CDK14: variants seen among roughly 807,000 people sequenced by gnomAD.
CDK14 encodes cyclin dependent kinase 14, also known as cyclin-dependent kinase 14.
In CDK14, 34 loss-of-function variants were observed where a neutral mutation model predicts 60.7. The ratio of observed to expected loss-of-function variants is 0.56; its 90% CI spans 0.43 to 0.75. The LOEUF is 0.75. CDK14 is among the 30% of genes least tolerant of loss of function. The pLI is 0.00. For synonymous variants in CDK14, 197 were observed against 203.7 expected (o/e 0.97, Z 0.28); for missense variants, 482 against 564.1 (o/e 0.85, Z 1.47).
At chr7:90,781,077 T>A in intron 4 of CDK14, among the ~76,000 whole-genome samples, 1 of 152,136 alleles carries the variant, frequency 6.6e-6, no homozygotes, top group Non-Finnish European at 1.5e-5. Flanking sequence ...GTTTCCTGAC[T>A]TTTTAATGAT....
intron 14 of CDK14, among the ~76,000 whole-genome samples, chr7:91,187,066 A>G (rs1802214003): frequency 6.6e-6 from 1 of 152,274 alleles, no homozygotes; most frequent in Admixed American, 6.5e-5. Flanking sequence ...AATTATGTGC[A>G]TATCATCACA....
At chr7:90,695,475 G>A (rs773648924) in intron 2 of CDK14, among the ~76,000 whole-genome samples, 2 of 152,096 alleles carry the variant, frequency 1.3e-5, no homozygotes, top group Admixed American at 6.6e-5. Flanking sequence ...TATTTACCAG[G>A]CACAGTTCTT....
intron 9 of CDK14, among the ~76,000 whole-genome samples, chr7:90,957,741 T>C (rs1286438606): frequency 1.3e-5 from 2 of 151,948 alleles, no homozygotes; most frequent in African/African-American, 4.8e-5. Flanking sequence ...TGCTCATGGG[T>C]AGGAAGAATC....
intron 6 of CDK14, among the ~76,000 whole-genome samples, chr7:90,883,122 T>TAA (rs34446911): frequency 3.8e-4 from 56 of 146,806 alleles, no homozygotes; most frequent in East Asian, 2.6e-3. Context: ...TAGAGACACA[T>TAA]AAAAAAAAAA....
intron 3 of CDK14, 49 bp downstream of exon 3, chr7:90,726,861 T>C (rs10240049): frequency 0.9 from 1,442,794 of 1,601,260 alleles, 650,649 homozygotes; most frequent in East Asian, 1. Flanking sequence ...AGGAATAGCC[T>C]TCTTATGATA....
chr7:91,031,640 T>C (rs930707592), intron 10 of CDK14, among the ~76,000 whole-genome samples: 7 of 152,190 alleles, frequency 4.6e-5, no homozygotes, highest in Non-Finnish European at 8.8e-5. Flanking sequence ...TTAAATGACG[T>C]AGTGAGTTCA....
At chr7:91,040,121 G>A (rs1362582751) in intron 10 of CDK14, among the ~76,000 whole-genome samples, 1 of 152,082 alleles carries the variant, frequency 6.6e-6, no homozygotes, top group Non-Finnish European at 1.5e-5. Flanking sequence ...TCACCCATGA[G>A]GCCACTGGAT....
intron 4 of CDK14, among the ~76,000 whole-genome samples, chr7:90,785,660 G>A (rs569101229): frequency 7.9e-5 from 12 of 151,872 alleles, no homozygotes; most frequent in South Asian, 6.2e-4. Context: ...GGTGGTGGGC[G>A]CCTGTAGTCC....
At chr7:90,621,520 C>CTAG (rs1384659875) in intron 2 of CDK14, among the ~76,000 whole-genome samples, 1 of 152,154 alleles carries the variant, frequency 6.6e-6, no homozygotes, top group African/African-American at 2.4e-5. Flanking sequence ...TCCTTTGCAC[C>CTAG]TAGTAGGTGC....
At chr7:90,858,069 T>C (rs535447925) in intron 5 of CDK14, among the ~76,000 whole-genome samples, 1 of 152,366 alleles carries the variant, frequency 6.6e-6, no homozygotes, top group African/African-American at 2.4e-5. Flanking sequence ...CAAAAGTTTA[T>C]ATAAATATGT....
At position 90,899,362 on chromosome 7, in the gene CDK14, A is replaced by AG. The variant is rs1774345064; in HGVS notation, c.702+10dup. 6.3e-7 allele frequency: 1 copy of AG among 1,589,172 alleles called. No homozygotes were observed. Among genetic ancestry groups the AG allele is most frequent in the African/African-American group, 1.4e-5 (1 of 73,452 alleles). ...ATCCAGATAATGTGAAGGTAGGAAA[A>AG]GATCTTTTTAAGCCAAAGGTTAGCA... On this transcript the variant is annotated intron_variant, in intron 7 of 14. Coordinates refer to ENST00000380050, the MANE Select transcript of CDK14 (RefSeq NM_001287135.2).
At chr7:91,164,393 G>A (rs1801277952) in intron 14 of CDK14, among the ~76,000 whole-genome samples, 1 of 152,186 alleles carries the variant, frequency 6.6e-6, no homozygotes, top group African/African-American at 2.4e-5. Flanking sequence ...CCCGAAGAGA[G>A]AGCTACTATC....
Position 91,064,291 on chromosome 7 carries a change from A to G in CDK14, c.1106-15141A>G, listed in dbSNP as rs1454322755. Among the ~76,000 whole-genome samples, 6 of 152,102 alleles carry G rather than the reference A, an allele frequency of 3.9e-5. No individual in the cohort carries two copies. The East Asian group carries it at 9.7e-4, about 25-fold the overall frequency. ...TATCAGGGTAGCACTTCAAGTCTCT[A>G]CCATTTAAGACCCAGAGGGGTGTCA... On this transcript the variant is annotated intron_variant, in intron 11 of 14. Coordinates refer to ENST00000380050, the MANE Select transcript of CDK14 (RefSeq NM_001287135.2).
chr7:90,974,869 C>G (rs959621916), intron 9 of CDK14, among the ~76,000 whole-genome samples: 1 of 152,134 alleles, frequency 6.6e-6, no homozygotes, highest in African/African-American at 2.4e-5. Context: ...TGAACAGATA[C>G]ATACATTACA....
chr7:90,869,400 G>C (rs1415736951), intron 6 of CDK14, among the ~76,000 whole-genome samples: 1 of 152,184 alleles, frequency 6.6e-6, no homozygotes, highest in African/African-American at 2.4e-5. Flanking sequence ...GGCTTGCAGG[G>C]AGCTAGCAAG....
intron 10 of CDK14, among the ~76,000 whole-genome samples, chr7:91,034,012 C>T (rs891635661): frequency 6.6e-6 from 1 of 152,192 alleles, no homozygotes; most frequent in Non-Finnish European, 1.5e-5. Context: ...ACTTTCACTG[C>T]AGAATTTTCC....
At chr7:90,974,824 T>G (rs978133911) in intron 9 of CDK14, among the ~76,000 whole-genome samples, 6 of 152,244 alleles carry the variant, frequency 3.9e-5, no homozygotes, top group Non-Finnish European at 1.5e-5. Flanking sequence ...AGATAGAAAG[T>G]TATCCTACAC....
intron 2 of CDK14, among the ~76,000 whole-genome samples, chr7:90,691,057 C>G (rs1801541909): frequency 6.6e-6 from 1 of 152,046 alleles, no homozygotes. Context: ...GTAATAATTA[C>G]TTGAAAATAT....
At chr7:90,994,381 G>A (rs1281164799) in intron 10 of CDK14, among the ~76,000 whole-genome samples, 1 of 152,146 alleles carries the variant, frequency 6.6e-6, no homozygotes, top group African/African-American at 2.4e-5. Context: ...AAACTGTGTG[G>A]TTTCTCTTAA....
Sources: gnomAD v4.1 joint callset for allele counts (sites outside exome capture counted in the v4.1 genomes callset) on GRCh38, gnomAD v4.1.1 for gene constraint, MANE v1.5 for transcripts, NCBI Gene and HGNC (gene_info 2026-07-23, HGNC 2026-07-21) for gene names.